The following NPAS3 variants were observed in gnomAD, a reference collection of about 807,000 sequenced individuals.
NPAS3 encodes the protein neuronal PAS domain-containing protein 3.
In NPAS3, 14 loss-of-function variants were observed where a neutral mutation model predicts 73.1. The ratio of observed to expected loss-of-function variants is 0.19; its 90% CI spans 0.13 to 0.30. The LOEUF (loss-of-function observed/expected upper bound fraction) is 0.30, where lower values mean the gene tolerates loss of function less well. NPAS3 is among the 10% of genes least tolerant of loss of function. The pLI, the probability that NPAS3 is intolerant of heterozygous loss-of-function variation, is 1.00. For missense variants in NPAS3, 1,096 were observed against 1,250.0 expected, an observed-to-expected ratio of 0.88 and a Z score of 1.86; for synonymous variants, 620 against 541.5, an observed-to-expected ratio of 1.14 and a Z score of -2.01.
In NPAS3 at chr14:33,437,447, C is replaced by A. The variant is rs1236810434; in HGVS notation, c.468+70179C>A. On this transcript the variant is annotated intron_variant, in intron 4 of 11. Coordinates refer to ENST00000356141, the Ensembl canonical transcript of NPAS3. ...TGACTTATAATTGAAACCCTTGGTC[C>A]CTGAGCTTTTATCCACTTAATAGTT... Among the ~76,000 whole-genome samples, 7 of 152,050 alleles carry A rather than the reference C, an allele frequency of 4.6e-5. No individual in the cohort carries two copies. The South Asian group carries it at 1.2e-3, about 27-fold the overall frequency.
intron 5 of NPAS3, among the ~76,000 whole-genome samples, chr14:33,673,484 G>A (rs1352562237): frequency 6.6e-6 from 1 of 152,222 alleles, no homozygotes; most frequent in Non-Finnish European, 1.5e-5. Flanking sequence ...ATGTGCCAAA[G>A]TGGGACACAA....
chr14:33,727,483 A>G (rs777009230), intron 6 of NPAS3, among the ~76,000 whole-genome samples: 3 of 152,192 alleles, frequency 2.0e-5, no homozygotes. Context: ...AAGATTGAAC[A>G]TGACTTTTTA....
intron 3 of NPAS3, among the ~76,000 whole-genome samples, chr14:33,262,312 G>A (rs1422864897): frequency 6.6e-6 from 1 of 152,182 alleles, no homozygotes; most frequent in South Asian, 2.1e-4. Flanking sequence ...CGTAAGCCAA[G>A]AAATAAGTGT....
At chr14:33,578,205 C>CTT (rs2056521829) in intron 5 of NPAS3, 1 of 454,936 alleles carries the variant, frequency 2.2e-6, no homozygotes, top group African/African-American at 2.0e-5. Flanking sequence ...TTTTTTTTCC[C>CTT]TCTTTGAGAC....
At chr14:33,468,540 A>G (rs960613809) in intron 4 of NPAS3, among the ~76,000 whole-genome samples, 1 of 152,210 alleles carries the variant, frequency 6.6e-6, no homozygotes, top group Non-Finnish European at 1.5e-5. Context: ...ATAAGAATCA[A>G]TCTCAGAGAA....
At chr14:33,374,005 T>G (rs1317886948) in intron 4 of NPAS3, among the ~76,000 whole-genome samples, 2 of 152,130 alleles carry the variant, frequency 1.3e-5, no homozygotes, top group African/African-American at 2.4e-5. Context: ...AACCCTCTTG[T>G]TCAGGACACA....
At chr14:33,179,653 C>T (rs2045720694) in intron 2 of NPAS3, among the ~76,000 whole-genome samples, 1 of 152,082 alleles carries the variant, frequency 6.6e-6, no homozygotes, top group Non-Finnish European at 1.5e-5. Flanking sequence ...AGTCTGTTTA[C>T]AACACTGCAA....
intron 1 of NPAS3, among the ~76,000 whole-genome samples, chr14:32,957,911 T>C (rs1433872798): frequency 6.6e-6 from 1 of 152,158 alleles, no homozygotes; most frequent in East Asian, 1.9e-4. Context: ...GGATGGGACA[T>C]TTTGTAGCAT....
At chr14:33,420,622 A>T (rs2048328351) in intron 4 of NPAS3, among the ~76,000 whole-genome samples, 3 of 151,934 alleles carry the variant, frequency 2.0e-5, no homozygotes, top group Admixed American at 2.0e-4. Context: ...ACAGATGGAT[A>T]CTGTAAAAAA....
At chr14:33,718,665 G>A (rs773382704) in intron 6 of NPAS3, among the ~76,000 whole-genome samples, 12 of 152,072 alleles carry the variant, frequency 7.9e-5, no homozygotes, top group South Asian at 2.1e-4. Context: ...CCTCAGAAGC[G>A]CTCAACAAAT....
Position 32,974,021 on chromosome 14 carries a change from C to T in NPAS3, c.50+34655C>T, listed in dbSNP as rs905577919. On this transcript the variant is annotated intron_variant, in intron 1 of 11. Transcript: ENST00000356141. ...GAACTGTATTAAATGGATTTCTGTT[C>T]CTTTGATATATAGGATATTGCCTTG... Among the ~76,000 whole-genome samples, 4 of 152,140 alleles carry T rather than the reference C, an allele frequency of 2.6e-5. 1 individual carries two copies. The Middle Eastern group carries it at 0.01, about 388-fold the overall frequency.
chr14:32,967,065 T>C (rs2037204743), intron 1 of NPAS3, among the ~76,000 whole-genome samples: 1 of 152,048 alleles, frequency 6.6e-6, no homozygotes, highest in Admixed American at 6.6e-5. Context: ...AGTTGAACCT[T>C]GAAAAACATG....
intron 4 of NPAS3, among the ~76,000 whole-genome samples, chr14:33,444,922 C>A (rs2049417100): frequency 6.6e-6 from 1 of 152,246 alleles, no homozygotes; most frequent in Non-Finnish European, 1.5e-5. Flanking sequence ...ATTCTGCTAC[C>A]CAATTTAATT....
intron 1 of NPAS3, among the ~76,000 whole-genome samples, chr14:33,004,453 A>G (rs1219542953): frequency 1.3e-5 from 2 of 152,172 alleles, no homozygotes; most frequent in Admixed American, 6.5e-5. Flanking sequence ...AAAAAAGAAG[A>G]GAAATGGTAC....
intron 2 of NPAS3, among the ~76,000 whole-genome samples, chr14:33,181,919 C>T (rs1006237458): frequency 2.0e-5 from 3 of 152,192 alleles, no homozygotes; most frequent in Admixed American, 6.5e-5. Context: ...TTGACAGATA[C>T]ACAGACAGTA....
Position 33,279,280 on chromosome 14 carries a change from A to T in NPAS3, c.385+63854A>T, listed in dbSNP as rs991280203. Among the ~76,000 whole-genome samples, 3 of 152,286 alleles carry T rather than the reference A, an allele frequency of 2.0e-5. No individual in the cohort carries two copies. In the South Asian group the frequency reaches 6.2e-4, roughly 32 times the overall value. ...TTTATGTTTGTTAAAGGTAATAATA[A>T]TAATGACTATTTCATTTAATAATGT... On this transcript the variant is annotated intron_variant, in intron 3 of 11. Transcript: ENST00000356141.
At chr14:33,461,204 G>T (rs1359850038) in intron 4 of NPAS3, among the ~76,000 whole-genome samples, 4 of 152,184 alleles carry the variant, frequency 2.6e-5, no homozygotes, top group African/African-American at 7.2e-5. Context: ...GTTGTCTTAT[G>T]ATCTTTTCCC....
chr14:32,941,544 A>G (rs1299907209), intron 1 of NPAS3, among the ~76,000 whole-genome samples: 1 of 151,610 alleles, frequency 6.6e-6, no homozygotes, highest in Non-Finnish European at 1.5e-5. Context: ...TGGCATTCGA[A>G]GAAGGTAAAT....
intron 4 of NPAS3, among the ~76,000 whole-genome samples, chr14:33,412,313 T>A (rs1594860891): frequency 6.6e-6 from 1 of 151,952 alleles, no homozygotes; most frequent in African/African-American, 2.4e-5. Context: ...AGAGACGGGG[T>A]TTCACCATGT....
Sources: gnomAD v4.1 joint callset for allele counts (sites outside exome capture counted in the v4.1 genomes callset) on GRCh38, gnomAD v4.1.1 for gene constraint, MANE v1.5 for transcripts, NCBI Gene and HGNC (gene_info 2026-07-23, HGNC 2026-07-21) for gene names.